ATRNL1: variants seen among roughly 807,000 people sequenced by gnomAD.
ATRNL1 encodes the protein attractin like 1.
Under a neutral mutation model 182.7 loss-of-function variants are expected in ATRNL1, and 95 were observed. The ratio of observed to expected loss-of-function variants is 0.52; its 90% CI spans 0.44 to 0.62. The LOEUF (loss-of-function observed/expected upper bound fraction) is 0.62, where lower values mean the gene tolerates loss of function less well. ATRNL1 is among the 20% of genes least tolerant of loss of function. ATRNL1 has a pLI of 0.00. For missense variants in ATRNL1, 1,471 were observed against 1,679.5 expected, an observed-to-expected ratio of 0.88 and a Z score of 2.17; for synonymous variants, 576 against 568.3, an observed-to-expected ratio of 1.01 and a Z score of -0.19.
chr10:115,564,329 A>C (rs1365289345), intron 26 of ATRNL1, among the ~76,000 whole-genome samples: 1 of 152,016 alleles, frequency 6.6e-6, no homozygotes, highest in Admixed American at 6.6e-5. Flanking sequence ...CATTGTAACC[A>C]GTACTTTGAA....
intron 28 of ATRNL1, among the ~76,000 whole-genome samples, chr10:115,903,976 C>T: frequency 6.6e-6 from 1 of 151,992 alleles, no homozygotes; most frequent in South Asian, 2.1e-4. Context: ...TACTGGGGGA[C>T]ATGCCTATGA....
At chr10:115,365,711 G>T (rs1356088645) in intron 19 of ATRNL1, among the ~76,000 whole-genome samples, 1 of 151,570 alleles carries the variant, frequency 6.6e-6, no homozygotes, top group East Asian at 1.9e-4. Flanking sequence ...AGAGATTCTG[G>T]TATGTTGTGT....
chr10:115,897,861 A>T (rs1008414632), intron 28 of ATRNL1, among the ~76,000 whole-genome samples: 2 of 152,070 alleles, frequency 1.3e-5, no homozygotes, highest in Non-Finnish European at 2.9e-5. Context: ...GTGATCATTC[A>T]TGTTAGTCGT....
Position 115,759,841 on chromosome 10 carries a change from A to ATTTTTT in ATRNL1, c.3903+32506_3903+32511dup, listed in dbSNP as rs58578796. ...CAGGTGTGCACCACCACACCTGGCT[A>ATTTTTT]TTTTTTTTTTTTTTTTTTTTTTTTT... On this transcript the variant is annotated intron_variant, in intron 27 of 28. Transcript: ENST00000355044. Among the ~76,000 whole-genome samples the ATTTTTT allele has an allele frequency of 4.7e-3, 292 of 62,676 alleles. 9 individuals carry two copies. Among genetic ancestry groups the ATTTTTT allele is most frequent in the African/African-American group, 0.02 (277 of 14,006 alleles). 41.1% of individuals were successfully genotyped at this position (62,676 alleles called of 152,430 possible).
At chr10:115,635,247 T>C (rs988760297) in intron 26 of ATRNL1, among the ~76,000 whole-genome samples, 2 of 150,516 alleles carry the variant, frequency 1.3e-5, no homozygotes, top group Non-Finnish European at 3.0e-5. Context: ...ATAAATCTCA[T>C]ATTCAGAATA....
At chr10:115,311,860 C>G (rs1854049263) in intron 17 of ATRNL1, among the ~76,000 whole-genome samples, 1 of 151,676 alleles carries the variant, frequency 6.6e-6, no homozygotes, top group African/African-American at 2.4e-5. Context: ...ATATAATGAA[C>G]TTCTTTTTTT....
intron 27 of ATRNL1, among the ~76,000 whole-genome samples, chr10:115,814,376 T>C: frequency 6.6e-6 from 1 of 152,196 alleles, no homozygotes. Flanking sequence ...AGACTCATTA[T>C]TGGCTGAAGA....
At chr10:115,768,395 A>G (rs1384393565) in intron 27 of ATRNL1, among the ~76,000 whole-genome samples, 5 of 152,036 alleles carry the variant, frequency 3.3e-5, no homozygotes, top group African/African-American at 1.2e-4. Context: ...AGATTTACTT[A>G]TTTACATTAC....
chr10:115,426,223 A>G (rs1554962859), intron 20 of ATRNL1, 27 bp from the exon 21 acceptor site: 1 of 1,601,426 alleles, frequency 6.2e-7, no homozygotes, highest in African/African-American at 1.3e-5. Context: ...ATTGTTTAAT[A>G]GTAAATGAGT....
intron 26 of ATRNL1, among the ~76,000 whole-genome samples, chr10:115,568,094 G>A (rs1300635746): frequency 6.6e-6 from 1 of 152,022 alleles, no homozygotes; most frequent in Non-Finnish European, 1.5e-5. Flanking sequence ...ACAGTTAATG[G>A]TAACAGTGGA....
intron 26 of ATRNL1, among the ~76,000 whole-genome samples, chr10:115,568,962 A>G (rs1439381883): frequency 6.6e-6 from 1 of 152,028 alleles, no homozygotes; most frequent in African/African-American, 2.4e-5. Context: ...CAAAAATAAT[A>G]TATTTCTGTA....
chr10:115,362,315 T>C (rs1186585572), intron 19 of ATRNL1, among the ~76,000 whole-genome samples: 2 of 152,012 alleles, frequency 1.3e-5, no homozygotes, highest in Non-Finnish European at 2.9e-5. Flanking sequence ...AGTTAAAAAA[T>C]AGAATGAAAA....
intron 21 of ATRNL1, among the ~76,000 whole-genome samples, chr10:115,453,609 A>G (rs1847377650): frequency 1.3e-5 from 2 of 152,082 alleles, no homozygotes; most frequent in African/African-American, 4.8e-5. Flanking sequence ...ATTGTGTACT[A>G]TGCAGCCATA....
intron 26 of ATRNL1, among the ~76,000 whole-genome samples, chr10:115,574,684 T>C (rs1555004574): frequency 6.6e-6 from 1 of 152,220 alleles, no homozygotes; most frequent in African/African-American, 2.4e-5. Context: ...TTCTGCATGC[T>C]GATTTCAGGA....
chr10:115,828,710 C>G (rs115353060), intron 27 of ATRNL1, among the ~76,000 whole-genome samples: 1 of 151,980 alleles, frequency 6.6e-6, no homozygotes, highest in Non-Finnish European at 1.5e-5. Flanking sequence ...TTTCAGTGGC[C>G]TAGGGGGAGT....
chr10:115,482,774 C>T (rs1443606923), intron 24 of ATRNL1, among the ~76,000 whole-genome samples: 6 of 151,058 alleles, frequency 4.0e-5, no homozygotes, highest in Non-Finnish European at 8.9e-5. Flanking sequence ...AAAATTTATA[C>T]AAAAGCGGAC....
At chr10:115,420,039 ATTT>A (rs34280609) in intron 20 of ATRNL1, among the ~76,000 whole-genome samples, 3 of 127,890 alleles carry the variant, frequency 2.3e-5, no homozygotes, top group Admixed American at 8.2e-5. Context: ...TGTCTTAACA[ATTT>A]TTTTTTTTTT....
At chr10:115,922,913 T>C (rs766285823) in intron 28 of ATRNL1, among the ~76,000 whole-genome samples, 5 of 152,120 alleles carry the variant, frequency 3.3e-5, no homozygotes, top group Non-Finnish European at 5.9e-5. Flanking sequence ...ACAAGGAAAA[T>C]ACCCATGCAT....
chr10:115,418,302 T>C (rs1317997726), intron 20 of ATRNL1, among the ~76,000 whole-genome samples: 1 of 151,704 alleles, frequency 6.6e-6, no homozygotes, highest in Non-Finnish European at 1.5e-5. Flanking sequence ...TGAAATACAA[T>C]GAATGAAATA....
Sources: allele counts gnomAD v4.1 joint callset (sites outside exome capture counted in the v4.1 genomes callset), GRCh38; gene constraint gnomAD v4.1.1; transcripts MANE v1.5; gene names NCBI Gene and HGNC (gene_info 2026-07-23, HGNC 2026-07-21).